ADNP2: variants seen among roughly 807,000 people sequenced by gnomAD.
The protein encoded by ADNP2 is activity-dependent neuroprotector homeobox protein 2.
ADNP2 carries 8 observed loss-of-function variants against 16.4 expected under a neutral mutation model. The observed-to-expected ratio is 0.49, with a 90% CI of 0.29 to 0.88. ADNP2 has a LOEUF of 0.88. Among genes scored for constraint, ADNP2 ranks in the 40% least tolerant of loss-of-function variants. The pLI, the probability that ADNP2 is intolerant of heterozygous loss-of-function variation, is 0.09. For missense variants in ADNP2, 1,397 were observed against 1,395.1 expected, an observed-to-expected ratio of 1.00 and a Z score of -0.02; for synonymous variants, 637 against 545.8, an observed-to-expected ratio of 1.17 and a Z score of -2.33.
At chr18:80,113,384 C>T (rs1387354460) in intron 1 of ADNP2, among the ~76,000 whole-genome samples, 2 of 152,142 alleles carry the variant, frequency 1.3e-5, no homozygotes, top group Non-Finnish European at 2.9e-5. Flanking sequence ...AAAAATTTCT[C>T]CCTATTATAT....
intron 2 of ADNP2, among the ~76,000 whole-genome samples, chr18:80,125,817 A>AT (rs1354488062): frequency 4.6e-5 from 7 of 152,098 alleles, no homozygotes; most frequent in African/African-American, 1.4e-4. Context: ...TCTCAAAAAA[A>AT]ATTTTTTTAA....
Position 80,137,246 on chromosome 18 carries a change from G to T in ADNP2, c.1833G>T (p.Gly611=). 2 of 1,614,192 alleles carry T rather than the reference G, an allele frequency of 1.2e-6. No homozygotes were observed. The highest frequency in any genetic ancestry group is 1.1e-5 in the South Asian group (1 of 91,078). ...TCCCTACAGGGAAACAAGTGAATGG[G>T]ATTCCAACCTACACGCTGGCCCCCG... ...QLIPTGKQVN[G]IPTYTLAPVS... Residue 611 remains glycine, a synonymous_variant, in exon 4 of 4, where the codon GGG becomes GGT. Coordinates refer to ENST00000262198, the MANE Select transcript of ADNP2 (RefSeq NM_014913.4). This position sits in a 1 kb window ranked among gnomAD's most constrained non-coding sequence, Gnocchi z 4.2.
chr18:80,120,869 A>G (rs4429361), intron 2 of ADNP2, among the ~76,000 whole-genome samples: 128,736 of 152,082 alleles, frequency 0.85, 54,608 homozygotes, highest in Non-Finnish European at 0.87. Flanking sequence ...TGGCCAGGAT[A>G]GTCTCGATCT....
chr18:80,110,896 A>C (rs2052352948), intron 1 of ADNP2, among the ~76,000 whole-genome samples: 2 of 152,048 alleles, frequency 1.3e-5, no homozygotes, highest in African/African-American at 4.8e-5. Context: ...GACATGTCTG[A>C]AAGGAGTTGA....
At chr18:80,125,856 C>T (rs1233512919) in intron 2 of ADNP2, among the ~76,000 whole-genome samples, 2 of 152,174 alleles carry the variant, frequency 1.3e-5, no homozygotes, top group African/African-American at 2.4e-5. Context: ...AATAGCTATT[C>T]CCATTAGTTT....
Position 80,140,262 on chromosome 18 carries a change from A to G in ADNP2, c.*1453A>G, listed in dbSNP as rs917970835. ...GTTGGTGTACTCTGTTGTAAATTCA[A>G]AGAGAGCTTGTTGAACATTTTTTTT... is the stretch of plus-strand genomic sequence containing the variant. On this transcript the variant is annotated 3_prime_UTR_variant, in exon 4 of 4. Coordinates refer to ENST00000262198, the MANE Select transcript of ADNP2 (RefSeq NM_014913.4). 2.0e-5 allele frequency: 3 copies of G among 152,564 alleles called. No individual in the cohort carries two copies. The highest frequency in any genetic ancestry group is 3.8e-4 in the East Asian group (2 of 5,198). The allele number at this position is 152,564 out of a possible 1,614,324, so 9.5% of individuals were successfully genotyped here.
At chr18:80,128,580 G>T (rs982524854) in intron 2 of ADNP2, among the ~76,000 whole-genome samples, 2 of 152,166 alleles carry the variant, frequency 1.3e-5, no homozygotes, top group Admixed American at 1.3e-4. Context: ...AACACGGGAG[G>T]TGGAGGCGGC....
chr18:80,138,522 C>G lies in ADNP2; in HGVS notation c.3109C>G (p.Gln1037Glu). The change falls in exon 4 of 4, where the codon CAG (glutamine) becomes GAG (glutamate). Residue 1037 changes from glutamine to glutamate, a missense_variant. Transcript: ENST00000262198. ...EGPIVKDEAL[Q>E]ILALDPKKYE... ...ACCTATTGTCAAGGACGAGGCTCTTCAGATTTTAGCATTAGATCCTAAAAA... is the reference window on the plus strand; with the variant it reads ...ACCTATTGTCAAGGACGAGGCTCTTGAGATTTTAGCATTAGATCCTAAAAA... The G allele has an allele frequency of 6.2e-7, 1 of 1,613,988 alleles. No individual in the cohort carries two copies. Among genetic ancestry groups the G allele is most frequent in the Non-Finnish European group, 8.5e-7 (1 of 1,180,004 alleles).
At chr18:80,121,722 G>T (rs980273732) in intron 2 of ADNP2, among the ~76,000 whole-genome samples, 29 of 152,124 alleles carry the variant, frequency 1.9e-4, no homozygotes, top group African/African-American at 6.5e-4. Context: ...TGTATAAGTA[G>T]GAGTCCGGTT....
intron 2 of ADNP2, 47 bp from the exon 3 acceptor site, chr18:80,133,056 T>A: frequency 7.6e-7 from 1 of 1,313,012 alleles, no homozygotes; most frequent in Non-Finnish European, 1.1e-6. Flanking sequence ...AATATTTCTT[T>A]ATCTTCTGAA....
rs746446854 is a variant in ADNP2, at chr18:80,137,045, G to A, written c.1632G>A (p.Gln544=). The change falls in exon 4 of 4, where the codon CAG becomes CAA. Residue 544 remains glutamine (Q), a synonymous_variant. Coordinates refer to ENST00000262198, the MANE Select transcript of ADNP2 (RefSeq NM_014913.4). The surrounding 1 kb of genome is among the most constrained non-coding windows in gnomAD (Gnocchi z 4.2). The part of the protein sequence containing the change: ...VNQGVNSGVL[Q]LSQPVVSGVL... ...AGGGTGTGAATTCTGGTGTTCTGCA[G>A]CTTAGTCAGCCTGTTGTGTCGGGAG... The A allele has an allele frequency of 6.2e-7, 1 of 1,614,050 alleles. No individual in the cohort carries two copies. Among genetic ancestry groups the A allele is most frequent in the Non-Finnish European group, 8.5e-7 (1 of 1,180,008 alleles).
In ADNP2 at chr18:80,136,912, C is replaced by G. The variant is rs138759432; in HGVS notation, c.1499C>G (p.Pro500Arg). ...ACAGCTCCGTCACGGGTTCTTCCCC[C>G]AGGCCAGACAGCCCCATTGAGGGTT... The part of the protein sequence containing the change: ...GQTAPSRVLP[P>R]GQTAPLRVIS... Residue 500 changes from proline (P) to arginine (R), a missense_variant, in exon 4 of 4, where the codon CCA (proline) becomes CGA (arginine). Transcript: ENST00000262198. 3 of 1,614,028 alleles carry G rather than the reference C, an allele frequency of 1.9e-6. No homozygotes were observed. The highest frequency in any genetic ancestry group is 2.5e-6 in the Non-Finnish European group (3 of 1,179,980).
Position 80,138,816 on chromosome 18 carries a change from CA to C in ADNP2, c.*21del, listed in dbSNP as rs11411000. On this transcript the variant is annotated 3_prime_UTR_variant, in exon 4 of 4. Coordinates refer to ENST00000262198, the MANE Select transcript of ADNP2 (RefSeq NM_014913.4). ...CTTTGAATATGAACCATAAAACTTG[CA>C]AAAAAAAAAAAAAGTAACTCTAAAG... is the stretch of plus-strand genomic sequence containing the variant. 7.2e-3 allele frequency: 8,670 copies of C among 1,207,774 alleles called. No homozygotes were observed. Among genetic ancestry groups the C allele is most frequent in the South Asian group, 0.022 (1,236 of 55,920 alleles). 74.8% of individuals were successfully genotyped at this position (1,207,774 alleles called of 1,614,324 possible). A position where few individuals can be genotyped will look rare whatever the true frequency, so the allele number is the denominator to read the frequency against.
chr18:80,111,358 C>T (rs1376854023), intron 1 of ADNP2, among the ~76,000 whole-genome samples: 1 of 152,096 alleles, frequency 6.6e-6, no homozygotes, highest in Non-Finnish European at 1.5e-5. Context: ...CATACTCGCC[C>T]TGTTTTACAG....
rs749729433 is a variant in ADNP2 at position 80,136,356 on chromosome 18, G to A, written c.943G>A (p.Ala315Thr). The change falls in exon 4 of 4, where the codon GCC becomes ACC. Residue 315 changes from alanine to threonine, a missense_variant. By Grantham distance (58) the Ala-to-Thr change is moderately conservative (BLOSUM62 0). This residue lies in a region of ADNP2 where 777 missense variants were observed against 719.4 expected (regional missense o/e 1.08). Transcript: ENST00000262198. ...AGQPVTVAQG[A>T]PGSLTHSPPA... The stretch of plus-strand genomic sequence containing the variant: ...ACAGCCAGTGACTGTGGCCCAGGGT[G>A]CCCCTGGAAGCCTCACTCATTCCCC... The A allele has an allele frequency of 3.7e-6, 6 of 1,614,216 alleles. No homozygotes were observed. The highest frequency in any genetic ancestry group is 3.3e-5 in the Admixed American group (2 of 60,034).
chr18:80,136,304 A>G lies in ADNP2; in HGVS notation c.891A>G (p.Pro297=). Residue 297 remains proline, a synonymous_variant, in exon 4 of 4, where the codon CCA becomes CCG. Transcript: ENST00000262198. ...CTCCTTGCTTCCATCTTGCTTTGCC[A>G]CAGAACAGTCCAAGCCCAGCCGCAG... ...AQPPCFHLAL[P]QNSPSPAAGQ... 2 of 1,613,854 alleles carry G rather than the reference A, an allele frequency of 1.2e-6. No individual in the cohort carries two copies. Among genetic ancestry groups the G allele is most frequent in the Non-Finnish European group, 1.7e-6 (2 of 1,179,730 alleles).
In ADNP2 at chr18:80,117,622, G is replaced by C; in HGVS notation, c.80G>C (p.Gly27Ala). Residue 27 changes from glycine (G) to alanine (A), a missense_variant, in exon 2 of 4, where the codon GGG (glycine) becomes GCG (alanine). By Grantham distance (60) the Gly-to-Ala change is moderately conservative. Around this residue, in one of 3 missense-constraint regions of ADNP2, gnomAD observed 777 missense variants for 719.4 expected, o/e 1.08. Coordinates refer to ENST00000262198, the MANE Select transcript of ADNP2 (RefSeq NM_014913.4). The part of the protein sequence containing the change: ...KKVKGILVDI[G>A]LDSCKELLKD... ...GTGAAAGGTATTCTTGTGGATATTG[G>C]GCTTGACAGCTGCAAGGAGTTACTG... 6.2e-7 allele frequency: 1 copy of C among 1,608,592 alleles called. No individual in the cohort carries two copies. The highest frequency in any genetic ancestry group is 8.5e-7 in the Non-Finnish European group (1 of 1,178,392).
At chr18:80,122,994 T>C (rs2052434613) in intron 2 of ADNP2, among the ~76,000 whole-genome samples, 1 of 151,974 alleles carries the variant, frequency 6.6e-6, no homozygotes, top group African/African-American at 2.4e-5. Context: ...TTCCTAGTTT[T>C]CTGAGTGATT....
rs751081102 is a variant in ADNP2, at chr18:80,138,410, C to A, written c.2997C>A (p.Ile999=). The change falls in exon 4 of 4, where the codon ATC becomes ATA. Residue 999 remains isoleucine, a synonymous_variant. Transcript: ENST00000262198. ...GGCATGGGGAGGAGCAGCCTCCCAT[C>A]CTAAATGCCGATGCAGCCCCGGGTC... is the stretch of plus-strand genomic sequence containing the variant. The part of the protein sequence containing the change: ...DQRHGEEQPP[I]LNADAAPGPE... The A allele has an allele frequency of 1.2e-6, 2 of 1,614,040 alleles. No individual in the cohort carries two copies. Among genetic ancestry groups the A allele is most frequent in the Admixed American group, 1.7e-5 (1 of 60,030 alleles).
Sources: allele counts gnomAD v4.1 joint callset (sites outside exome capture counted in the v4.1 genomes callset), GRCh38; gene constraint gnomAD v4.1.1; regional missense constraint gnomAD v4.1.1; non-coding constraint Gnocchi (gnomAD v3.1); transcripts MANE v1.5; gene names NCBI Gene and HGNC (gene_info 2026-07-23, HGNC 2026-07-21).